The following REV3L variants were observed in gnomAD, a reference collection of about 807,000 sequenced individuals.
REV3L encodes REV3 like, DNA directed polymerase zeta catalytic subunit.
In REV3L, 69 loss-of-function variants were observed where a neutral mutation model predicts 299.4. The observed-to-expected ratio is 0.23, with a 90% CI of 0.19 to 0.28. The LOEUF is 0.28. Ranked by LOEUF, REV3L falls within the 10% of genes least tolerant of loss-of-function variation. The pLI is 1.00. For synonymous variants in REV3L, 1,238 were observed against 1,271.4 expected (o/e 0.97, Z 0.56); for missense variants, 3,128 against 3,693.8 (o/e 0.85, Z 3.97).
chr6:111,443,083 T>C (rs1288077563), intron 1 of REV3L, among the ~76,000 whole-genome samples: 17 of 152,200 alleles, frequency 1.1e-4, no homozygotes, highest in Admixed American at 9.8e-4. Flanking sequence ...TGATCACATA[T>C]TGCATTCTGG....
chr6:111,366,720 A>T (rs1779256515), intron 14 of REV3L, among the ~76,000 whole-genome samples: 1 of 152,182 alleles, frequency 6.6e-6, no homozygotes, highest in South Asian at 2.1e-4. Flanking sequence ...TGGAGTTGTC[A>T]AATTAGATAA....
In REV3L at chr6:111,376,296, C is replaced by T; in HGVS notation, c.2059G>A (p.Asp687Asn). ...CGGTGCATATGTATAAAAGGGGAAT[C>T]CTTTTCGATTTTTCTAATGTTTGTA... ...KYTNIRKIEKDSPFIHMHRHP... is the reference protein window; with the variant it reads ...KYTNIRKIEKNSPFIHMHRHP... The change falls in exon 13 of 32, where the codon GAT becomes AAT. Residue 687 changes from aspartate (D) to asparagine (N), a missense_variant. By Grantham distance (23) the Asp-to-Asn change is conservative (BLOSUM62 1). Around this residue, in one of 9 missense-constraint regions of REV3L, gnomAD observed 2,409 missense variants for 2,611.8 expected, o/e 0.92. Transcript: ENST00000368802. 6.2e-7 allele frequency: 1 copy of T among 1,613,516 alleles called. No homozygotes were observed.
Position 111,307,566 on chromosome 6 carries a change from T to C in REV3L, c.9047A>G (p.His3016Arg). The change falls in exon 31 of 32, where the codon CAT becomes CGT. Residue 3016 changes from histidine to arginine, a missense_variant. His to Arg is a conservative substitution (Grantham distance 29). Around this residue, in one of 9 missense-constraint regions of REV3L, gnomAD observed 294 missense variants for 377.0 expected, o/e 0.78. Transcript: ENST00000368802. Reference sequence around the variant, plus strand: ...ACTTCGCGAGGAGCTGGTAGCTTTATGGATCTATAAAAACATCCATTCAGA... The same window carrying C: ...ACTTCGCGAGGAGCTGGTAGCTTTACGGATCTATAAAAACATCCATTCAGA... ...FSWYHELPRI[H>R]KATSSSRSEP... 1 of 1,614,210 alleles carries C rather than the reference T, an allele frequency of 6.2e-7. No individual in the cohort carries two copies. Among genetic ancestry groups the C allele is most frequent in the East Asian group, 2.2e-5 (1 of 44,878 alleles).
At chr6:111,476,548 T>C (rs1056208514) in intron 1 of REV3L, among the ~76,000 whole-genome samples, 1 of 152,198 alleles carries the variant, frequency 6.6e-6, no homozygotes, top group African/African-American at 2.4e-5. Context: ...ATTTCAGATT[T>C]TGAAGGATTT....
chr6:111,436,222 C>T (rs1451401750), intron 1 of REV3L, among the ~76,000 whole-genome samples: 2 of 152,164 alleles, frequency 1.3e-5, no homozygotes, highest in East Asian at 3.8e-4. Context: ...TAAATTAGTA[C>T]AGTTACTATG....
chr6:111,425,148 C>G (rs1022598758), intron 1 of REV3L, among the ~76,000 whole-genome samples: 2 of 152,160 alleles, frequency 1.3e-5, no homozygotes, highest in Non-Finnish European at 1.5e-5. Flanking sequence ...GACCACTATG[C>G]TAGCTGAGCA....
chr6:111,341,762 G>GC (rs200854646), intron 21 of REV3L, among the ~76,000 whole-genome samples: 2,046 of 151,972 alleles, frequency 0.013, 14 homozygotes, highest in Middle Eastern at 0.02. Context: ...GAGTTGGGGG[G>GC]GGTCAGAAGT....
chr6:111,325,391 C>T (rs1353835766), intron 25 of REV3L, among the ~76,000 whole-genome samples: 1 of 152,180 alleles, frequency 6.6e-6, no homozygotes, highest in Non-Finnish European at 1.5e-5. Context: ...CTACTTTATT[C>T]TCCATATTCT....
chr6:111,401,689 A>G (rs1783095703), intron 4 of REV3L, among the ~76,000 whole-genome samples: 1 of 152,034 alleles, frequency 6.6e-6, no homozygotes, highest in South Asian at 2.1e-4. Flanking sequence ...TCTCTTCTGA[A>G]AAAAAGTTTA....
rs144925890 is a variant in REV3L, at chr6:111,372,799, A to C, written c.5556T>G (p.Pro1852=). The C allele has an allele frequency of 1.1e-5, 18 of 1,613,366 alleles. No homozygotes were observed. In the African/African-American group the frequency reaches 2.3e-4, roughly 20 times the overall value. The stretch of plus-strand genomic sequence containing the variant: ...AGCTAGTAGATCTTGGTGAACTATC[A>C]GGAGTTGGTGTCAACATATCATTGT... The part of the protein sequence containing the change: ...SRNNDMLTPT[P]DSSPRSTSSP... The change falls in exon 13 of 32, where the codon CCT becomes CCG. Residue 1852 remains proline, a synonymous_variant. Coordinates refer to ENST00000368802, the MANE Select transcript of REV3L (RefSeq NM_001372078.1).
intron 1 of REV3L, among the ~76,000 whole-genome samples, chr6:111,442,350 CTT>C (rs1583009533): frequency 6.6e-6 from 1 of 152,076 alleles, no homozygotes; most frequent in Non-Finnish European, 1.5e-5. Context: ...GTTTTTTGAA[CTT>C]TTTGTCTTTT....
At chr6:111,327,051 G>C (rs537467211) in intron 25 of REV3L, among the ~76,000 whole-genome samples, 2 of 152,178 alleles carry the variant, frequency 1.3e-5, no homozygotes, top group Non-Finnish European at 2.9e-5. Flanking sequence ...TTGGCAGTCT[G>C]AGTTCACCGT....
chr6:111,390,193 G>A lies in REV3L; in HGVS notation c.663-13C>T. On this transcript the variant is annotated splice_polypyrimidine_tract_variant and intron_variant, in intron 5 of 31. Coordinates refer to ENST00000368802, the MANE Select transcript of REV3L (RefSeq NM_001372078.1). ...CAATATTAAAGAGCTGCAATTAAAG[G>A]ATATAAAAAACATAATAATTATGTG... 6.7e-7 allele frequency: 1 copy of A among 1,499,076 alleles called. No individual in the cohort carries two copies. Among genetic ancestry groups the A allele is most frequent in the Non-Finnish European group, 9.3e-7 (1 of 1,077,776 alleles). The allele number at this position is 1,499,076 out of a possible 1,614,324, so 92.9% of individuals were successfully genotyped here. A position where few individuals can be genotyped will look rare whatever the true frequency, so the allele number is the denominator to read the frequency against.
At chr6:111,339,900 G>A (rs570896085) in intron 21 of REV3L, among the ~76,000 whole-genome samples, 1 of 152,198 alleles carries the variant, frequency 6.6e-6, no homozygotes, top group South Asian at 2.1e-4. Flanking sequence ...TTAAATTGTT[G>A]TTAAAGAATT....
intron 25 of REV3L, among the ~76,000 whole-genome samples, chr6:111,323,795 AT>A (rs199920608): frequency 7.3e-5 from 11 of 151,428 alleles, no homozygotes; most frequent in East Asian, 1.9e-4. Flanking sequence ...CAAACTGCAC[AT>A]TTTTTTTTGT....
At chr6:111,386,466 T>C (rs139279727) in intron 9 of REV3L, among the ~76,000 whole-genome samples, 66 of 152,288 alleles carry the variant, frequency 4.3e-4, no homozygotes, top group African/African-American at 1.2e-3. Flanking sequence ...AGTGAGGATA[T>C]AGAGCCAGAG....
At chr6:111,352,102 G>T (rs1777631480) in intron 18 of REV3L, among the ~76,000 whole-genome samples, 1 of 151,898 alleles carries the variant, frequency 6.6e-6, no homozygotes, top group Non-Finnish European at 1.5e-5. Flanking sequence ...TGCTTCCCAG[G>T]TTCAAACGAT....
intron 11 of REV3L, among the ~76,000 whole-genome samples, chr6:111,379,358 A>G (rs755504721): frequency 1.3e-5 from 2 of 152,228 alleles, no homozygotes; most frequent in Admixed American, 6.5e-5. Flanking sequence ...AGCCTATAGA[A>G]GTTTAAAGGA....
At position 111,374,879 on chromosome 6, in the gene REV3L, G is replaced by T. The variant is rs759231965; in HGVS notation, c.3476C>A (p.Thr1159Asn). Residue 1159 changes from threonine (T) to asparagine (N), a missense_variant, in exon 13 of 32, where the codon ACT becomes AAT. Physicochemically the swap from Thr to Asn is moderately conservative, Grantham distance 65. Transcript: ENST00000368802. Reference sequence around the variant, plus strand: ...AGTTTTTCCTATACGAGAATTAACAGTCTTCTTATATACATTAGGACCCTT... The same window carrying T: ...AGTTTTTCCTATACGAGAATTAACATTCTTCTTATATACATTAGGACCCTT... Reference protein sequence around the residue: ...LFKGPNVYKKTVNSRIGKTSR... With the variant: ...LFKGPNVYKKNVNSRIGKTSR... 1 of 1,613,636 alleles carries T rather than the reference G, an allele frequency of 6.2e-7. No homozygotes were observed. Among genetic ancestry groups the T allele is most frequent in the East Asian group, 2.2e-5 (1 of 44,892 alleles).
Sources: gnomAD v4.1 joint callset for allele counts (sites outside exome capture counted in the v4.1 genomes callset) on GRCh38, gnomAD v4.1.1 for gene constraint, gnomAD v4.1.1 regional missense constraint, MANE v1.5 for transcripts, NCBI Gene and HGNC (gene_info 2026-07-23, HGNC 2026-07-21) for gene names.